SPRY2: variants seen among roughly 807,000 people sequenced by gnomAD.
SPRY2 encodes the protein sprouty RTK signaling antagonist 2, also known as protein sprouty homolog 2.
A neutral mutation model predicts 23.4 loss-of-function variants in SPRY2; 10 were observed. The observed-to-expected ratio is 0.43, with a 90% CI of 0.26 to 0.73. The LOEUF (loss-of-function observed/expected upper bound fraction) is 0.73. SPRY2 is among the 30% of genes least tolerant of loss of function. The pLI, the probability that SPRY2 is intolerant of heterozygous loss-of-function variation, is 0.22. For missense variants in SPRY2, 344 were observed against 396.9 expected, an observed-to-expected ratio of 0.87 and a Z score of 1.13; for synonymous variants, 170 against 156.9, an observed-to-expected ratio of 1.08 and a Z score of -0.62.
In SPRY2 at chr13:80,337,562, G is replaced by A; in HGVS notation, c.144C>T (p.Ala48=). The A allele has an allele frequency of 1.2e-6, 2 of 1,614,132 alleles. No homozygotes were observed. The highest frequency in any genetic ancestry group is 2.2e-5 in the East Asian group (1 of 44,868). ...CTGTGTACTCATTGGTGTTTCGGATGGCTCTGATCTGATCCAGAGACAAGA... is the reference window on the plus strand; with the variant it reads ...CTGTGTACTCATTGGTGTTTCGGATAGCTCTGATCTGATCCAGAGACAAGA... ...VHVLSLDQIR[A]IRNTNEYTEG... The change falls in exon 2 of 2, where the codon GCC becomes GCT. Residue 48 remains alanine, a synonymous_variant. Coordinates refer to ENST00000377104, the MANE Select transcript of SPRY2 (RefSeq NM_005842.4).
At position 80,337,456 on chromosome 13, in the gene SPRY2, C is replaced by G. The variant is rs754765201; in HGVS notation, c.250G>C (p.Gly84Arg). ...GGAGGCTGGCGGTGCTCAGGCAGAC[C>G]GTGGAGTCTCTCGTGTTTGTGCTGA... ...STQHKHERLHGLPEHRQPPRL... is the reference protein window; with the variant it reads ...STQHKHERLHRLPEHRQPPRL... Residue 84 changes from glycine to arginine, a missense_variant, in exon 2 of 2, where the codon GGT becomes CGT. Physicochemically the swap from Gly to Arg is moderately radical, Grantham distance 125. Transcript: ENST00000377104. The G allele has an allele frequency of 6.2e-7, 1 of 1,614,138 alleles. No homozygotes were observed. The highest frequency in any genetic ancestry group is 8.5e-7 in the Non-Finnish European group (1 of 1,180,026).
intron 1 of SPRY2, chr13:80,339,514 T>C (rs1158423185): frequency 3.3e-5 from 5 of 152,132 alleles, no homozygotes; most frequent in Non-Finnish European, 7.3e-5. Flanking sequence ...GGTGCAGATT[T>C]GCTTGCAGTC....
At chr13:80,339,214 G>C (rs1345267203) in intron 1 of SPRY2, 1 of 152,174 alleles carries the variant, frequency 6.6e-6, no homozygotes, top group Non-Finnish European at 1.5e-5. Context: ...TCGGACATCC[G>C]GCACAGGTTT....
In SPRY2 at chr13:80,336,974, G is replaced by A; in HGVS notation, c.732C>T (p.Cys244=). Residue 244 remains cysteine, a synonymous_variant, in exon 2 of 2, where the codon TGC becomes TGT. Coordinates refer to ENST00000377104, the MANE Select transcript of SPRY2 (RefSeq NM_005842.4). ...EDNCADNPCS[C]SQSHCCTRWS... ...ATCGTGTACAACAGTGAGACTGGCT[G>A]CAAGAACATGGGTTGTCAGCACAGT... 2 of 1,614,242 alleles carry A rather than the reference G, an allele frequency of 1.2e-6. No homozygotes were observed. Among genetic ancestry groups the A allele is most frequent in the South Asian group, 1.1e-5 (1 of 91,086 alleles).
At chr13:80,340,540 C>T (rs1880474048) in intron 1 of SPRY2, 82 bp downstream of exon 1, 1 of 152,270 alleles carries the variant, frequency 6.6e-6, no homozygotes, top group South Asian at 2.1e-4. Context: ...GGACCCAACT[C>T]CTGGTCCGGC....
Position 80,337,322 on chromosome 13 carries a change from G to A in SPRY2, c.384C>T (p.Ser128=), listed in dbSNP as rs1447214596. ...SRSSTRTSTS[S]SSSEQRLLGS... Reference sequence around the variant, plus strand: ...CTAGCAGTCTCTGTTCAGAGGAGCTGCTGCTGGTACTTGTCCTCGTACTGC... The same window carrying A: ...CTAGCAGTCTCTGTTCAGAGGAGCTACTGCTGGTACTTGTCCTCGTACTGC... The change falls in exon 2 of 2, where the codon AGC becomes AGT. Residue 128 remains serine, a synonymous_variant. Coordinates refer to ENST00000377104, the MANE Select transcript of SPRY2 (RefSeq NM_005842.4). 2.5e-6 allele frequency: 4 copies of A among 1,614,100 alleles called. No homozygotes were observed. The African/African-American group carries it at 5.3e-5, about 22-fold the overall frequency.
intron 1 of SPRY2, among the ~76,000 whole-genome samples, chr13:80,338,259 T>C (rs932160463): frequency 2.0e-5 from 3 of 152,222 alleles, no homozygotes; most frequent in African/African-American, 7.2e-5. Flanking sequence ...GTATACGGCA[T>C]TCTGTAACTT....
intron 1 of SPRY2, among the ~76,000 whole-genome samples, chr13:80,338,430 CAAG>C (rs1274722070): frequency 7.9e-5 from 12 of 152,264 alleles, no homozygotes; most frequent in South Asian, 6.2e-4. Context: ...GCAAACTTAA[CAAG>C]AAGAAGACAT....
Position 80,336,561 on chromosome 13 carries a change from G to C in SPRY2, c.*197C>G, listed in dbSNP as rs967393613. 2 of 656,100 alleles carry C rather than the reference G, an allele frequency of 3.0e-6. No individual in the cohort carries two copies. Among genetic ancestry groups the C allele is most frequent in the Non-Finnish European group, 5.3e-6 (2 of 380,156 alleles). The allele number at this position is 656,100 out of a possible 1,614,324, so 40.6% of individuals were successfully genotyped here. ...CACCAAGTTCTGTATCTCATACTTT[G>C]AGCTCCATTAGCTGAGTTCTAACAA... On this transcript the variant is annotated 3_prime_UTR_variant, in exon 2 of 2. Transcript: ENST00000377104.
chr13:80,336,557 C>CT lies in SPRY2; in HGVS notation c.*200dup, dbSNP rs911866918. On this transcript the variant is annotated 3_prime_UTR_variant, in exon 2 of 2. Transcript: ENST00000377104. ...GGGTCACCAAGTTCTGTATCTCATA[C>CT]TTTGAGCTCCATTAGCTGAGTTCTA... The CT allele has an allele frequency of 6.7e-5, 44 of 653,320 alleles. No individual in the cohort carries two copies. The highest frequency in any genetic ancestry group is 6.7e-4 in the African/African-American group (37 of 55,184). The allele number at this position is 653,320 out of a possible 1,614,324, so 40.5% of individuals were successfully genotyped here. A position where few individuals can be genotyped will look rare whatever the true frequency, so the allele number is the denominator to read the frequency against.
rs370842722 is a variant in SPRY2 at position 80,336,886 on chromosome 13, C to A, written c.820G>T (p.Gly274Cys). 1.2e-6 allele frequency: 2 copies of A among 1,614,014 alleles called. No individual in the cohort carries two copies. Among genetic ancestry groups the A allele is most frequent in the African/African-American group, 2.7e-5 (2 of 74,908 alleles). The change falls in exon 2 of 2, where the codon GGT (glycine) becomes TGT (cysteine). Residue 274 changes from glycine (G) to cysteine (C), a missense_variant. Transcript: ENST00000377104. Reference sequence around the variant, plus strand: ...CACCCCTGGCACAATTTAAGGCAACCCTTGGCTGGAAGGTAACACCATAAA... The same window carrying A: ...CACCCCTGGCACAATTTAAGGCAACACTTGGCTGGAAGGTAACACCATAAA... The part of the protein sequence containing the change: ...PCLWCYLPAK[G>C]CLKLCQGCYD...
chr13:80,339,529 T>C (rs1244889097), intron 1 of SPRY2: 1 of 152,078 alleles, frequency 6.6e-6, no homozygotes, highest in African/African-American at 2.4e-5. Flanking sequence ...GCAGTCAAAG[T>C]AGCATCTTTG....
rs532428244 is a variant in SPRY2, at chr13:80,336,572, G to A, written c.*186C>T. ...GTATCTCATACTTTGAGCTCCATTA[G>A]CTGAGTTCTAACAAGCATATCAGTT... On this transcript the variant is annotated 3_prime_UTR_variant, in exon 2 of 2. Coordinates refer to ENST00000377104, the MANE Select transcript of SPRY2 (RefSeq NM_005842.4). 3 of 687,016 alleles carry A rather than the reference G, an allele frequency of 4.4e-6. No homozygotes were observed. The African/African-American group carries it at 5.4e-5, about 12-fold the overall frequency. 42.6% of individuals were successfully genotyped at this position (687,016 alleles called of 1,614,324 possible). A position where few individuals can be genotyped will look rare whatever the true frequency, so the allele number is the denominator to read the frequency against.
In SPRY2 at chr13:80,337,773, G is replaced by C. The variant is rs914250125; in HGVS notation, c.-51-17C>G. The C allele has an allele frequency of 1.5e-5, 21 of 1,447,404 alleles. No homozygotes were observed. Among genetic ancestry groups the C allele is most frequent in the Admixed American group, 1.8e-5 (1 of 56,484 alleles). The allele number at this position is 1,447,404 out of a possible 1,614,324, so 89.7% of individuals were successfully genotyped here. A position where few individuals can be genotyped will look rare whatever the true frequency, so the allele number is the denominator to read the frequency against. ...TCTGAACTCCTGAGGAAGCCAAGAGGAAAGAACGGTTGATACTCTAAGATA... is the reference window on the plus strand; with the variant it reads ...TCTGAACTCCTGAGGAAGCCAAGAGCAAAGAACGGTTGATACTCTAAGATA... On this transcript the variant is annotated splice_polypyrimidine_tract_variant and intron_variant, in intron 1 of 1. Transcript: ENST00000377104.
chr13:80,339,274 G>A (rs901775212), intron 1 of SPRY2: 11 of 152,372 alleles, frequency 7.2e-5, no homozygotes, highest in African/African-American at 2.7e-4. Context: ...CACGCAGCCA[G>A]GACGCACAAG....
At position 80,337,689 on chromosome 13, in the gene SPRY2, T is replaced by C; in HGVS notation, c.17A>G (p.Gln6Arg). 6.2e-7 allele frequency: 1 copy of C among 1,611,432 alleles called. No individual in the cohort carries two copies. The highest frequency in any genetic ancestry group is 1.1e-5 in the South Asian group (1 of 91,088). The change falls in exon 2 of 2, where the codon CAG becomes CGG. Residue 6 changes from glutamine to arginine, a missense_variant. Gln to Arg is a conservative substitution (Grantham distance 43, BLOSUM62 1). Coordinates refer to ENST00000377104, the MANE Select transcript of SPRY2 (RefSeq NM_005842.4). MEARAQSGNGSQPLLQ... is the reference protein window; with the variant it reads MEARARSGNGSQPLLQ... ...CAAGGGCTGCGACCCGTTGCCACTC[T>C]GAGCTCTGGCCTCCATCAGGTCTTG...
Position 80,336,660 on chromosome 13 carries a change from T to C in SPRY2, c.*98A>G, listed in dbSNP as rs1880271300. On this transcript the variant is annotated 3_prime_UTR_variant, in exon 2 of 2. Coordinates refer to ENST00000377104, the MANE Select transcript of SPRY2 (RefSeq NM_005842.4). ...AGCAAAGACTATCCCACCTTTCTAT[T>C]AACAGTGCCAAGATTATAACTGTTT... The C allele has an allele frequency of 8.0e-7, 1 of 1,257,386 alleles. No individual in the cohort carries two copies. The highest frequency in any genetic ancestry group is 1.1e-6 in the Non-Finnish European group (1 of 886,272). 77.9% of individuals were successfully genotyped at this position (1,257,386 alleles called of 1,614,324 possible). A position where few individuals can be genotyped will look rare whatever the true frequency, so the allele number is the denominator to read the frequency against.
Position 80,337,284 on chromosome 13 carries a change from G to C in SPRY2, c.422C>G (p.Ser141Cys). 1.9e-6 allele frequency: 3 copies of C among 1,613,856 alleles called. No homozygotes were observed. In the South Asian group the frequency reaches 3.3e-5, roughly 18 times the overall value. Residue 141 changes from serine to cysteine, a missense_variant, in exon 2 of 2, where the codon TCC becomes TGC. Physicochemically the swap from Ser to Cys is moderately radical, Grantham distance 112. Transcript: ENST00000377104. ...SEQRLLGSSFSSGPVADGIIR... is the reference protein window; with the variant it reads ...SEQRLLGSSFCSGPVADGIIR... ...TATGCCATCAGCAACAGGCCCGGAG[G>C]AGAAGGATGATCCTAGCAGTCTCTG... is the stretch of plus-strand genomic sequence containing the variant.
Position 80,339,952 on chromosome 13 carries a change from G to T in SPRY2, c.-52+670C>A, listed in dbSNP as rs184336704. Among the ~76,000 whole-genome samples the T allele has an allele frequency of 1.1e-4, 16 of 152,346 alleles. No homozygotes were observed. The East Asian group carries it at 2.5e-3, about 24-fold the overall frequency. Reference sequence around the variant, plus strand: ...CAAAAATAAAATAAGTGTGACCCAGGCTGACCACGAAGAACGGAAGAGAGA... The same window carrying T: ...CAAAAATAAAATAAGTGTGACCCAGTCTGACCACGAAGAACGGAAGAGAGA... On this transcript the variant is annotated intron_variant, in intron 1 of 1. Coordinates refer to ENST00000377104, the MANE Select transcript of SPRY2 (RefSeq NM_005842.4).
Sources: gnomAD v4.1 joint callset for allele counts (sites outside exome capture counted in the v4.1 genomes callset) on GRCh38, gnomAD v4.1.1 for gene constraint, MANE v1.5 for transcripts, NCBI Gene and HGNC (gene_info 2026-07-23, HGNC 2026-07-21) for gene names.